RP9: variants seen among roughly 807,000 people sequenced by gnomAD.
The protein encoded by RP9 is RP9 pre-mRNA splicing factor.
Under a neutral mutation model 32.6 loss-of-function variants are expected in RP9, and 23 were observed. The ratio of observed to expected loss-of-function variants is 0.71; its 90% confidence interval spans 0.51 to 1.00. The LOEUF is 1.00. Ranked by LOEUF, RP9 falls within the 50% of genes least tolerant of loss-of-function variation. The pLI, the probability that RP9 is intolerant of heterozygous loss-of-function variation, is 0.00. For synonymous variants in RP9, 94 were observed against 103.6 expected (o/e 0.91, Z 0.56); for missense variants, 245 against 285.3 (o/e 0.86, Z 1.02).
intron 1 of RP9, among the ~76,000 whole-genome samples, chr7:33,108,014 A>C (rs1279666970): frequency 6.6e-6 from 1 of 152,236 alleles, no homozygotes; most frequent in African/African-American, 2.4e-5. Flanking sequence ...CCTGAAAATC[A>C]GCTGCTGTGA....
rs980473485 is a variant in RP9 at position 33,094,963 on chromosome 7, A to T, written c.*271T>A. 3.7e-4 allele frequency: 190 copies of T among 520,244 alleles called. No individual in the cohort carries two copies. Among genetic ancestry groups the T allele is most frequent in the African/African-American group, 1.8e-3 (94 of 52,474 alleles). The allele number at this position is 520,244 out of a possible 1,614,324, so 32.2% of individuals were successfully genotyped here. Reference sequence around the variant, plus strand: ...CCTGCCACCCTGTGGGAGACACTTCAAAGGAATCGTAAACTCATGTGACCA... The same window carrying T: ...CCTGCCACCCTGTGGGAGACACTTCTAAGGAATCGTAAACTCATGTGACCA... On this transcript the variant is annotated 3_prime_UTR_variant, in exon 6 of 6. Coordinates refer to ENST00000297157, the MANE Select transcript of RP9 (RefSeq NM_203288.2).
At chr7:33,105,170 GA>G (rs969501432) in intron 1 of RP9, among the ~76,000 whole-genome samples, 1 of 152,082 alleles carries the variant, frequency 6.6e-6, no homozygotes, top group African/African-American at 2.4e-5. Flanking sequence ...ACAACAGATT[GA>G]AGAGTCTAGG....
intron 4 of RP9, 58 bp from the exon 5 acceptor site, chr7:33,096,612 C>G: frequency 9.1e-7 from 1 of 1,101,876 alleles, no homozygotes; most frequent in Non-Finnish European, 1.4e-6. Context: ...AAGTTAAATA[C>G]AATGAAATGC....
intron 5 of RP9, among the ~76,000 whole-genome samples, chr7:33,096,040 C>G (rs1003075212): frequency 6.6e-6 from 1 of 152,122 alleles, no homozygotes; most frequent in Non-Finnish European, 1.5e-5. Context: ...TGCTGTATGG[C>G]CCAGGCTGGT....
At position 33,109,397 on chromosome 7, in the gene RP9, G is replaced by A. The variant is rs1408999167; in HGVS notation, c.-25C>T. On this transcript the variant is annotated 5_prime_UTR_variant, in exon 1 of 6. Coordinates refer to ENST00000297157, the MANE Select transcript of RP9 (RefSeq NM_203288.2). The surrounding 1 kb of genome is among the most constrained non-coding windows in gnomAD (Gnocchi z 4.9). ...TGTCAGCCCCCGCAGCGCCGCTCGG[G>A]CAACCCCCGCGGCGCGGCTCCGGCG... The A allele has an allele frequency of 3.5e-6, 4 of 1,157,686 alleles. No homozygotes were observed. Among genetic ancestry groups the A allele is most frequent in the Admixed American group, 4.3e-5 (1 of 23,014 alleles). The allele number at this position is 1,157,686 out of a possible 1,614,324, so 71.7% of individuals were successfully genotyped here.
rs866683056 is a variant in RP9 at position 33,108,586 on chromosome 7, T to C, written c.152+635A>G. 3.3e-5 allele frequency among the ~76,000 whole-genome samples: 5 copies of C among 152,334 alleles called. 1 individual carries two copies. The Middle Eastern group carries it at 0.014, about 415-fold the overall frequency. On this transcript the variant is annotated intron_variant, in intron 1 of 5. Coordinates refer to ENST00000297157, the MANE Select transcript of RP9 (RefSeq NM_203288.2). The stretch of plus-strand genomic sequence containing the variant: ...AAGGAAATTTTCTGTAGTAAATGTA[T>C]CTGTATCAGGAAGACAGCTGCTTGG...
chr7:33,096,622 C>A (rs1788338497), intron 4 of RP9, 68 bp from the exon 5 acceptor site: 1 of 1,059,292 alleles, frequency 9.4e-7, no homozygotes, highest in Admixed American at 1.7e-5. Context: ...CAATGAAATG[C>A]CTATGTTATG....
chr7:33,098,638 A>T (rs1303915907), intron 3 of RP9, among the ~76,000 whole-genome samples: 1 of 152,126 alleles, frequency 6.6e-6, no homozygotes, highest in African/African-American at 2.4e-5. Context: ...AAGAAGAAAA[A>T]CCGATAGATA....
chr7:33,100,210 C>T (rs1369683614), intron 2 of RP9: 5 of 408,864 alleles, frequency 1.2e-5, no homozygotes, highest in South Asian at 6.6e-5. Context: ...GAGGATGGAC[C>T]GAGGGGCTGA....
rs563805355 is a variant in RP9, at chr7:33,101,327, C to T, written c.153-766G>A. Among the ~76,000 whole-genome samples, 8 of 152,298 alleles carry T rather than the reference C, an allele frequency of 5.3e-5. No homozygotes were observed. The South Asian group carries it at 1.4e-3, about 28-fold the overall frequency. ...GTGAAAAAATTTTCATTTGGCCAGGCGTGGTGGCTCGCGCCTGTAATCCCA... is the reference window on the plus strand; with the variant it reads ...GTGAAAAAATTTTCATTTGGCCAGGTGTGGTGGCTCGCGCCTGTAATCCCA... On this transcript the variant is annotated intron_variant, in intron 1 of 5. Coordinates refer to ENST00000297157, the MANE Select transcript of RP9 (RefSeq NM_203288.2).
At chr7:33,100,729 C>T (rs780062221) in intron 1 of RP9, 168 bp from the exon 2 acceptor site, 1 of 715,396 alleles carries the variant, frequency 1.4e-6, no homozygotes, top group Non-Finnish European at 2.6e-6. Context: ...GAATGCTTCT[C>T]CTCCCTGTGC....
rs571089271 is a variant in RP9, at chr7:33,095,166, C to G, written c.*68G>C. The G allele has an allele frequency of 3.8e-5, 61 of 1,590,636 alleles. No individual in the cohort carries two copies. The highest frequency in any genetic ancestry group is 2.5e-4 in the Admixed American group (15 of 59,996). On this transcript the variant is annotated 3_prime_UTR_variant, in exon 6 of 6. Coordinates refer to ENST00000297157, the MANE Select transcript of RP9 (RefSeq NM_203288.2). Reference sequence around the variant, plus strand: ...CGGCGTCTCTATCCTGCTGCTTTCTCTGACTGCATCTTCCTCTGTTCCTTG... The same window carrying G: ...CGGCGTCTCTATCCTGCTGCTTTCTGTGACTGCATCTTCCTCTGTTCCTTG...
chr7:33,100,629 A>G, intron 1 of RP9, 68 bp from the exon 2 acceptor site: 1 of 1,250,774 alleles, frequency 8.0e-7, no homozygotes, highest in Non-Finnish European at 1.2e-6. Flanking sequence ...GTTACTGCAA[A>G]AAAGGGGCTA....
chr7:33,107,522 G>A (rs1788515646), intron 1 of RP9, among the ~76,000 whole-genome samples: 1 of 152,174 alleles, frequency 6.6e-6, no homozygotes, highest in Admixed American at 6.5e-5. Context: ...GGGAGACCAA[G>A]AGCGCCACAC....
At chr7:33,101,002 G>T in intron 1 of RP9, 1 of 317,172 alleles carries the variant, frequency 3.2e-6, no homozygotes, top group African/African-American at 2.2e-5. Context: ...AACCTTTAGG[G>T]AAGTATTTTT....
At chr7:33,096,123 T>G (rs1788330906) in intron 5 of RP9, among the ~76,000 whole-genome samples, 1 of 152,238 alleles carries the variant, frequency 6.6e-6, no homozygotes, top group African/African-American at 2.4e-5. Context: ...TGTGAGCCAC[T>G]GAGCCTGGCC....
In RP9 at chr7:33,097,163, T is replaced by C. The variant is rs960280662; in HGVS notation, c.405+108A>G. The C allele has an allele frequency of 1.2e-5, 10 of 831,996 alleles. No homozygotes were observed. In the African/African-American group the frequency reaches 1.7e-4, roughly 14 times the overall value. 51.5% of individuals were successfully genotyped at this position (831,996 alleles called of 1,614,324 possible). A position where few individuals can be genotyped will look rare whatever the true frequency, so the allele number is the denominator to read the frequency against. ...CAGCACACACTTTGGTCAAAGGGCTTCTGGGAATGTATTTTATGTGACCAT... is the reference window on the plus strand; with the variant it reads ...CAGCACACACTTTGGTCAAAGGGCTCCTGGGAATGTATTTTATGTGACCAT... On this transcript the variant is annotated intron_variant, in intron 4 of 5. Coordinates refer to ENST00000297157, the MANE Select transcript of RP9 (RefSeq NM_203288.2).
chr7:33,109,379 C>T lies in RP9; in HGVS notation c.-7G>A, dbSNP rs1788551474. ...GCCCAGGCCGGGACGACATGTCAGC[C>T]CCCGCAGCGCCGCTCGGGCAACCCC... On this transcript the variant is annotated 5_prime_UTR_variant, in exon 1 of 6. Coordinates refer to ENST00000297157, the MANE Select transcript of RP9 (RefSeq NM_203288.2). This position sits in a 1 kb window ranked among gnomAD's most constrained non-coding sequence, Gnocchi z 4.9. 7.9e-7 allele frequency: 1 copy of T among 1,269,138 alleles called. No homozygotes were observed. Among genetic ancestry groups the T allele is most frequent in the Admixed American group, 3.4e-5 (1 of 29,066 alleles). The allele number at this position is 1,269,138 out of a possible 1,614,324, so 78.6% of individuals were successfully genotyped here.
Position 33,109,107 on chromosome 7 carries a change from C to A in RP9, c.152+114G>T. 1.4e-6 allele frequency: 2 copies of A among 1,382,170 alleles called. No homozygotes were observed. Among genetic ancestry groups the A allele is most frequent in the Non-Finnish European group, 1.9e-6 (2 of 1,066,816 alleles). 85.6% of individuals were successfully genotyped at this position (1,382,170 alleles called of 1,614,324 possible). On this transcript the variant is annotated intron_variant, in intron 1 of 5. Transcript: ENST00000297157. This position sits in a 1 kb window ranked among gnomAD's most constrained non-coding sequence, Gnocchi z 4.9. ...CAGGCTCCTGCCGGGCCCAGCCCCC[C>A]TGCCTGCTCGCGGGGGCTCGGAGGA...
Sources: gnomAD v4.1 joint callset for allele counts (sites outside exome capture counted in the v4.1 genomes callset) on GRCh38, gnomAD v4.1.1 for gene constraint, Gnocchi (gnomAD v3.1) non-coding constraint, MANE v1.5 for transcripts, NCBI Gene and HGNC (gene_info 2026-07-23, HGNC 2026-07-21) for gene names.